Variants in LRMDA observed in about 807,000 individuals in gnomAD.
LRMDA encodes leucine-rich melanocyte differentiation-associated protein.
In LRMDA, 18 loss-of-function variants were observed where a neutral mutation model predicts 29.8. The ratio of observed to expected loss-of-function variants is 0.60; its 90% CI spans 0.42 to 0.90. The LOEUF is 0.90. Among genes scored for constraint, LRMDA ranks in the 40% least tolerant of loss-of-function variants. The pLI is 0.00. For missense variants in LRMDA, 273 were observed against 273.9 expected, an observed-to-expected ratio of 1.00 and a Z score of 0.02; for synonymous variants, 125 against 109.4, an observed-to-expected ratio of 1.14 and a Z score of -0.89.
At chr10:75,717,446 CT>C (rs1387689965) in intron 2 of LRMDA, among the ~76,000 whole-genome samples, 2 of 152,224 alleles carry the variant, frequency 1.3e-5, no homozygotes, top group African/African-American at 4.8e-5. Flanking sequence ...GGAAGCTTGC[CT>C]TTAATGGCAC....
intron 2 of LRMDA, among the ~76,000 whole-genome samples, chr10:75,585,216 C>T (rs1003306179): frequency 6.6e-6 from 1 of 152,164 alleles, no homozygotes; most frequent in Non-Finnish European, 1.5e-5. Flanking sequence ...GTTAGTTTTG[C>T]CCCTGTTAAA....
intron 6 of LRMDA, among the ~76,000 whole-genome samples, chr10:76,490,597 A>G (rs952321335): frequency 1.3e-5 from 2 of 151,758 alleles, no homozygotes; most frequent in African/African-American, 2.4e-5. Context: ...AAGCATAGCT[A>G]CTCCTGCTCA....
In LRMDA at chr10:76,512,050, T is replaced by G. The variant is rs544585407; in HGVS notation, c.602-45159T>G. 8.2e-4 allele frequency among the ~76,000 whole-genome samples: 125 copies of G among 152,334 alleles called. 1 individual carries two copies. The Middle Eastern group carries it at 0.01, about 12-fold the overall frequency. On this transcript the variant is annotated intron_variant, in intron 6 of 6. Transcript: ENST00000611255. ...TGGGAGGGACCCAGTGGGAGATGAT[T>G]TGAATCATGGGGATAGTTTCGCCCA...
At chr10:76,479,038 A>G (rs1214136222) in intron 6 of LRMDA, among the ~76,000 whole-genome samples, 1 of 151,800 alleles carries the variant, frequency 6.6e-6, no homozygotes, top group Non-Finnish European at 1.5e-5. Flanking sequence ...CCTAGAACTT[A>G]AAGTATAATA....
chr10:75,751,072 C>A (rs138213790), intron 2 of LRMDA, among the ~76,000 whole-genome samples: 2 of 152,216 alleles, frequency 1.3e-5, no homozygotes, highest in African/African-American at 2.4e-5. Flanking sequence ...CCGGCACCTC[C>A]GGAGTCTGAG....
Position 76,377,184 on chromosome 10 carries a change from C to T in LRMDA, c.601+52699C>T, listed in dbSNP as rs150622811. 1.6e-4 allele frequency among the ~76,000 whole-genome samples: 25 copies of T among 152,040 alleles called. No homozygotes were observed. In the East Asian group the frequency reaches 1.7e-3, roughly 11 times the overall value. On this transcript the variant is annotated intron_variant, in intron 6 of 6. Coordinates refer to ENST00000611255, the MANE Select transcript of LRMDA (RefSeq NM_001305581.2). ...ACAGGTGTGAGCCACCACACCCAGCCGTATGTCTTCTTTTGAGAATGTCTG... is the reference window on the plus strand; with the variant it reads ...ACAGGTGTGAGCCACCACACCCAGCTGTATGTCTTCTTTTGAGAATGTCTG...
At chr10:75,831,041 G>A (rs1844333105) in intron 2 of LRMDA, among the ~76,000 whole-genome samples, 1 of 151,976 alleles carries the variant, frequency 6.6e-6, no homozygotes, top group African/African-American at 2.4e-5. Flanking sequence ...CAGCAGGGAA[G>A]TCAAATCTTT....
chr10:76,437,738 C>T (rs1378209683), intron 6 of LRMDA, among the ~76,000 whole-genome samples: 2 of 152,202 alleles, frequency 1.3e-5, no homozygotes, highest in African/African-American at 2.4e-5. Context: ...CACCTCTCCT[C>T]ACCTACTTTG....
At chr10:75,891,787 G>A (rs974736427) in intron 2 of LRMDA, among the ~76,000 whole-genome samples, 1 of 152,202 alleles carries the variant, frequency 6.6e-6, no homozygotes, top group African/African-American at 2.4e-5. Flanking sequence ...CCATGTAAGA[G>A]ACAGAGATGA....
At chr10:75,906,702 A>G (rs148315920) in intron 2 of LRMDA, among the ~76,000 whole-genome samples, 43 of 152,382 alleles carry the variant, frequency 2.8e-4, no homozygotes, top group African/African-American at 1.0e-3. Flanking sequence ...ATAAAATACA[A>G]ATCCATCCAC....
At chr10:75,604,648 C>A (rs1840933139) in intron 2 of LRMDA, among the ~76,000 whole-genome samples, 1 of 152,056 alleles carries the variant, frequency 6.6e-6, no homozygotes, top group Non-Finnish European at 1.5e-5. Flanking sequence ...AGTTGAGAGA[C>A]TGGAGGAGAA....
intron 6 of LRMDA, among the ~76,000 whole-genome samples, chr10:76,345,028 T>TA (rs35305324): frequency 9.5e-5 from 14 of 146,856 alleles, no homozygotes; most frequent in Admixed American, 6.1e-4. Context: ...TGATTTTATT[T>TA]AAAAAAAACC....
chr10:76,510,215 C>A (rs1181067498), intron 6 of LRMDA, among the ~76,000 whole-genome samples: 1 of 151,978 alleles, frequency 6.6e-6, no homozygotes. Context: ...AGACTACAAG[C>A]GTGTGCCACC....
At chr10:75,988,218 G>A (rs1847296051) in intron 2 of LRMDA, among the ~76,000 whole-genome samples, 1 of 152,102 alleles carries the variant, frequency 6.6e-6, no homozygotes, top group African/African-American at 2.4e-5. Context: ...CAGATCCCAG[G>A]CTTGAAAGGC....
intron 2 of LRMDA, among the ~76,000 whole-genome samples, chr10:75,469,009 A>G (rs1306444432): frequency 6.6e-6 from 1 of 152,134 alleles, no homozygotes; most frequent in Non-Finnish European, 1.5e-5. Context: ...TTTTTCATAA[A>G]TGCTTTCTGT....
chr10:76,244,009 T>C (rs1852328047), intron 5 of LRMDA, among the ~76,000 whole-genome samples: 1 of 152,134 alleles, frequency 6.6e-6, no homozygotes, highest in Non-Finnish European at 1.5e-5. Flanking sequence ...GATATGAAGA[T>C]GGAGGTAGAG....
At chr10:76,093,484 A>T (rs1445054441) in intron 5 of LRMDA, among the ~76,000 whole-genome samples, 1 of 152,124 alleles carries the variant, frequency 6.6e-6, no homozygotes, top group Non-Finnish European at 1.5e-5. Flanking sequence ...CACCTGAAAG[A>T]TGAAGTTTCA....
intron 2 of LRMDA, among the ~76,000 whole-genome samples, chr10:75,563,382 A>G (rs1265480975): frequency 1.3e-5 from 2 of 151,996 alleles, no homozygotes; most frequent in Non-Finnish European, 2.9e-5. Flanking sequence ...CAGCTTCATC[A>G]GCTCCTTTAA....
chr10:76,078,045 C>G (rs1336878431), intron 5 of LRMDA, among the ~76,000 whole-genome samples: 5 of 118,002 alleles, frequency 4.2e-5, no homozygotes, highest in African/African-American at 1.3e-4. Context: ...GAGTCTCGCT[C>G]TGTCGCCCAG....
Sources: gnomAD v4.1 joint callset for allele counts (sites outside exome capture counted in the v4.1 genomes callset) on GRCh38, gnomAD v4.1.1 for gene constraint, MANE v1.5 for transcripts, NCBI Gene and HGNC (gene_info 2026-07-23, HGNC 2026-07-21) for gene names.